KLHL18: variants seen among roughly 807,000 people sequenced by gnomAD.
KLHL18 encodes the protein kelch-like protein 18.
Under a neutral mutation model 58.5 loss-of-function variants are expected in KLHL18, and 38 were observed. The ratio of observed to expected loss-of-function variants is 0.65; its 90% CI spans 0.50 to 0.85. KLHL18 has a LOEUF of 0.85. Among genes scored for constraint, KLHL18 ranks in the 40% least tolerant of loss-of-function variants. The pLI is 0.00. For synonymous variants in KLHL18, 303 were observed against 301.9 expected (o/e 1.00, Z -0.04); for missense variants, 624 against 778.4 (o/e 0.80, Z 2.36).
intron 3 of KLHL18, among the ~76,000 whole-genome samples, chr3:47,329,110 C>A (rs891037189): frequency 1.6e-4 from 23 of 144,488 alleles, no homozygotes; most frequent in Admixed American, 7.7e-4. Context: ...GCCTGGGGGA[C>A]AAAGTGAGAC....
chr3:47,321,632 G>A (rs748868110), intron 2 of KLHL18, among the ~76,000 whole-genome samples: 8 of 152,182 alleles, frequency 5.3e-5, no homozygotes, highest in Non-Finnish European at 1.0e-4. Flanking sequence ...TTACAGGCGT[G>A]AGCCACTGCG....
At chr3:47,299,842 A>C (rs1299826280) in intron 1 of KLHL18, among the ~76,000 whole-genome samples, 1 of 150,692 alleles carries the variant, frequency 6.6e-6, no homozygotes, top group African/African-American at 2.4e-5. Context: ...AAAAAAAAAA[A>C]AAAAAAAAAA....
chr3:47,285,322 T>C (rs1702651328), intron 1 of KLHL18, among the ~76,000 whole-genome samples: 1 of 152,236 alleles, frequency 6.6e-6, no homozygotes, highest in African/African-American at 2.4e-5. Context: ...TTAAGGCCAC[T>C]AGAAACTTGT....
In KLHL18 at chr3:47,336,657, A is replaced by G. The variant is rs1370568818; in HGVS notation, c.1021A>G (p.Ile341Val). The change falls in exon 7 of 10, where the codon ATC becomes GTC. Residue 341 changes from isoleucine (I) to valine (V), a missense_variant. Ile to Val is a conservative substitution (Grantham distance 29). Coordinates refer to ENST00000232766, the MANE Select transcript of KLHL18 (RefSeq NM_025010.5). Reference protein sequence around the residue: ...VAVVNGLLYAIGGYDGQLRLS... With the variant: ...VAVVNGLLYAVGGYDGQLRLS... The stretch of plus-strand genomic sequence containing the variant: ...TGTGGTGAACGGGCTTCTCTATGCC[A>G]TCGGAGGATATGACGGCCAGCTACG... 6.2e-7 allele frequency: 1 copy of G among 1,614,250 alleles called. No individual in the cohort carries two copies. The highest frequency in any genetic ancestry group is 8.5e-7 in the Non-Finnish European group (1 of 1,180,034).
At chr3:47,332,595 CG>C (rs1183306991) in intron 4 of KLHL18, among the ~76,000 whole-genome samples, 1 of 4,198 alleles carries the variant, frequency 2.4e-4, no homozygotes, top group African/African-American at 1.4e-3. Flanking sequence ...ATTAATATGA[CG>C]GGGGGCGGGG....
intron 4 of KLHL18, among the ~76,000 whole-genome samples, chr3:47,332,346 C>A (rs1703883027): frequency 6.6e-6 from 1 of 151,532 alleles, no homozygotes; most frequent in South Asian, 2.1e-4. Context: ...TGGGGCAAGA[C>A]CCTATCTCCA....
intron 9 of KLHL18, 70 bp from the exon 10 acceptor site, chr3:47,343,485 T>G: frequency 6.4e-7 from 1 of 1,574,582 alleles, no homozygotes; most frequent in Admixed American, 1.8e-5. Flanking sequence ...TGCTGTGCCC[T>G]GCACGGTCAC....
At chr3:47,300,424 T>A (rs991016741) in intron 1 of KLHL18, among the ~76,000 whole-genome samples, 55 of 141,640 alleles carry the variant, frequency 3.9e-4, no homozygotes, top group African/African-American at 1.0e-3. Flanking sequence ...TATATATATT[T>A]AAATTCTCTT....
At chr3:47,289,205 A>G (rs562446716) in intron 1 of KLHL18, among the ~76,000 whole-genome samples, 2 of 152,286 alleles carry the variant, frequency 1.3e-5, no homozygotes, top group South Asian at 2.1e-4. Context: ...GGAGCTCCCT[A>G]TATAGACACA....
intron 3 of KLHL18, among the ~76,000 whole-genome samples, chr3:47,324,087 A>G (rs949556668): frequency 6.6e-6 from 1 of 151,950 alleles, no homozygotes; most frequent in African/African-American, 2.4e-5. Context: ...TTTTATAAAG[A>G]CCTTGTAGTA....
chr3:47,329,844 T>G, intron 3 of KLHL18, 107 bp from the exon 4 acceptor site: 1 of 872,334 alleles, frequency 1.1e-6, no homozygotes. Context: ...AAAGCTGAGG[T>G]TAAGAATTTG....
chr3:47,284,682 A>G (rs1319495431), intron 1 of KLHL18, among the ~76,000 whole-genome samples: 1 of 152,178 alleles, frequency 6.6e-6, no homozygotes, highest in Non-Finnish European at 1.5e-5. Context: ...TTCTTCTGCA[A>G]CATAGTTGAG....
intron 4 of KLHL18, among the ~76,000 whole-genome samples, chr3:47,331,328 C>T (rs1160062277): frequency 2.7e-5 from 4 of 148,568 alleles, no homozygotes; most frequent in Admixed American, 6.7e-5. Context: ...GGTTTCACCA[C>T]GTTGGCCAGG....
chr3:47,327,029 A>C (rs1703740170), intron 3 of KLHL18, among the ~76,000 whole-genome samples: 1 of 151,672 alleles, frequency 6.6e-6, no homozygotes, highest in Non-Finnish European at 1.5e-5. Context: ...GCCTGAGGTC[A>C]GTAGTTGGAG....
At chr3:47,331,495 C>T (rs1414283219) in intron 4 of KLHL18, among the ~76,000 whole-genome samples, 1 of 126,654 alleles carries the variant, frequency 7.9e-6, no homozygotes, top group African/African-American at 3.0e-5. Flanking sequence ...TGCGATGGCA[C>T]AATCTCAGCT....
intron 7 of KLHL18, among the ~76,000 whole-genome samples, chr3:47,339,490 CAAA>C (rs535713738): frequency 1.0e-4 from 7 of 69,204 alleles, no homozygotes; most frequent in Admixed American, 1.7e-4. Flanking sequence ...GACCTCATCT[CAAA>C]AAAAAAAAAA....
intron 4 of KLHL18, among the ~76,000 whole-genome samples, chr3:47,331,329 G>T (rs1403473494): frequency 6.7e-6 from 1 of 150,118 alleles, no homozygotes; most frequent in Non-Finnish European, 1.5e-5. Flanking sequence ...GTTTCACCAC[G>T]TTGGCCAGGC....
chr3:47,297,553 T>A (rs896231546), intron 1 of KLHL18: 2 of 456,606 alleles, frequency 4.4e-6, no homozygotes, highest in African/African-American at 4.0e-5. Context: ...CTTGAGCTTT[T>A]TACTTCAGCC....
chr3:47,287,003 C>T (rs991883491), intron 1 of KLHL18, among the ~76,000 whole-genome samples: 1 of 152,188 alleles, frequency 6.6e-6, no homozygotes, highest in African/African-American at 2.4e-5. Context: ...CTGATTTCGG[C>T]CCTTCTTCTT....
Sources: allele counts gnomAD v4.1 joint callset (sites outside exome capture counted in the v4.1 genomes callset), GRCh38; gene constraint gnomAD v4.1.1; transcripts MANE v1.5; gene names NCBI Gene and HGNC (gene_info 2026-07-23, HGNC 2026-07-21).